Variants in TNKS observed in about 807,000 individuals in gnomAD.
TNKS encodes tankyrase.
In TNKS, 72 loss-of-function variants were observed where a neutral mutation model predicts 135.8. That is an observed-to-expected ratio of 0.53 (90% CI 0.44 to 0.64). The LOEUF is 0.64. Among genes scored for constraint, TNKS ranks in the 30% least tolerant of loss-of-function variants. TNKS has a pLI of 0.00. For synonymous variants in TNKS, 849 were observed against 649.3 expected (o/e 1.31, Z -4.68); for missense variants, 1,769 against 1,674.0 (o/e 1.06, Z -0.99).
intron 25 of TNKS, among the ~76,000 whole-genome samples, chr8:9,767,576 A>G (rs1807533989): frequency 6.6e-6 from 1 of 152,206 alleles, no homozygotes; most frequent in Non-Finnish European, 1.5e-5. Flanking sequence ...TGTGTTTTGA[A>G]CAAAATTATT....
chr8:9,772,825 GTGTGTC>G (rs879851146), intron 26 of TNKS, among the ~76,000 whole-genome samples: 3,279 of 62,624 alleles, frequency 0.052, 79 homozygotes, highest in Admixed American at 0.1. Context: ...GTGTGTGTGT[GTGTGTC>G]TGTGTGTGTG....
intron 3 of TNKS, among the ~76,000 whole-genome samples, chr8:9,617,737 T>C (rs1167868081): frequency 6.6e-6 from 1 of 152,210 alleles, no homozygotes; most frequent in East Asian, 1.9e-4. Flanking sequence ...CTTAGAGTTA[T>C]TAGAGATCAT....
chr8:9,629,845 G>C (rs1357589061), intron 3 of TNKS, among the ~76,000 whole-genome samples: 4 of 152,114 alleles, frequency 2.6e-5, no homozygotes, highest in Non-Finnish European at 4.4e-5. Context: ...ACCATGCCTG[G>C]CTAATTTTTT....
intron 3 of TNKS, 21 bp downstream of exon 3, chr8:9,615,698 C>A: frequency 1.3e-6 from 2 of 1,572,078 alleles, no homozygotes; most frequent in East Asian, 2.3e-5. Context: ...AGAGAGCTAC[C>A]GAATGATTAT....
chr8:9,597,961 A>C (rs543931636), intron 2 of TNKS, among the ~76,000 whole-genome samples: 1 of 152,190 alleles, frequency 6.6e-6, no homozygotes, highest in African/African-American at 2.4e-5. Flanking sequence ...TTATTTTTTT[A>C]ATTATTTGCT....
chr8:9,630,752 T>C (rs1236155424), intron 3 of TNKS, among the ~76,000 whole-genome samples: 1 of 152,174 alleles, frequency 6.6e-6, no homozygotes, highest in Non-Finnish European at 1.5e-5. Flanking sequence ...TGTCATTAGG[T>C]TTCTGTAGTC....
At chr8:9,584,968 G>A (rs1798314204) in intron 2 of TNKS, among the ~76,000 whole-genome samples, 1 of 152,056 alleles carries the variant, frequency 6.6e-6, no homozygotes, top group African/African-American at 2.4e-5. Flanking sequence ...AGCAAACCAA[G>A]TGAAAAATAA....
chr8:9,710,138 G>A lies in TNKS; in HGVS notation c.1671-4G>A, dbSNP rs1804249204. 1 of 1,613,836 alleles carries A rather than the reference G, an allele frequency of 6.2e-7. No individual in the cohort carries two copies. Among genetic ancestry groups the A allele is most frequent in the African/African-American group, 1.3e-5 (1 of 74,908 alleles). On this transcript the variant is annotated splice_polypyrimidine_tract_variant and splice_region_variant and intron_variant, in intron 10 of 26. Coordinates refer to ENST00000310430, the MANE Select transcript of TNKS (RefSeq NM_003747.3). ...ACCTTTTCTTTCTTTCCTCTTTTCTGTAGTTTCATGACTCCCCTGCATGTT... is the reference window on the plus strand; with the variant it reads ...ACCTTTTCTTTCTTTCCTCTTTTCTATAGTTTCATGACTCCCCTGCATGTT...
At chr8:9,662,187 C>A (rs1357007730) in intron 3 of TNKS, among the ~76,000 whole-genome samples, 1 of 152,156 alleles carries the variant, frequency 6.6e-6, no homozygotes, top group East Asian at 1.9e-4. Context: ...GTCAGTGTGG[C>A]GATTCCTCAG....
chr8:9,570,678 C>T (rs1202888709), intron 1 of TNKS, among the ~76,000 whole-genome samples: 6 of 152,194 alleles, frequency 3.9e-5, no homozygotes, highest in Admixed American at 3.9e-4. Flanking sequence ...TCAGATGTCC[C>T]TTGTAGATAA....
intron 3 of TNKS, among the ~76,000 whole-genome samples, chr8:9,629,090 C>G (rs1026574599): frequency 2.0e-5 from 3 of 152,206 alleles, no homozygotes; most frequent in African/African-American, 7.2e-5. Context: ...TATACTAGGT[C>G]TCACCAACGT....
intron 3 of TNKS, among the ~76,000 whole-genome samples, chr8:9,672,655 A>T (rs1460501343): frequency 1.2e-5 from 1 of 83,464 alleles, no homozygotes; most frequent in Non-Finnish European, 2.4e-5. Flanking sequence ...CTGTGATGGT[A>T]AAAAAAAAAA....
chr8:9,733,982 CACTT>C (rs1805568895), intron 15 of TNKS, among the ~76,000 whole-genome samples: 1 of 151,726 alleles, frequency 6.6e-6, no homozygotes, highest in African/African-American at 2.4e-5. Context: ...AATTTATGCT[CACTT>C]AAAGTATATT....
chr8:9,698,236 A>G (rs1803612579), intron 5 of TNKS, among the ~76,000 whole-genome samples: 1 of 152,146 alleles, frequency 6.6e-6, no homozygotes, highest in South Asian at 2.1e-4. Context: ...AACAGTAGAC[A>G]TTGCAGACTA....
intron 3 of TNKS, among the ~76,000 whole-genome samples, chr8:9,633,050 G>C (rs999079705): frequency 6.6e-6 from 1 of 152,074 alleles, no homozygotes; most frequent in Non-Finnish European, 1.5e-5. Context: ...TCTTTGCAGA[G>C]ATAGTTGAAT....
chr8:9,575,253 A>G (rs1056249274), intron 1 of TNKS: 1 of 517,588 alleles, frequency 1.9e-6, no homozygotes, highest in Non-Finnish European at 2.5e-6. Context: ...CGCAGGGCTA[A>G]TTTTTTGTAT....
chr8:9,762,125 C>G (rs544974728), intron 21 of TNKS, among the ~76,000 whole-genome samples: 2 of 152,262 alleles, frequency 1.3e-5, no homozygotes, highest in African/African-American at 4.8e-5. Flanking sequence ...ACAATCTAAC[C>G]TTTCTTAACT....
chr8:9,567,201 A>G (rs1797576680), intron 1 of TNKS, among the ~76,000 whole-genome samples: 1 of 152,240 alleles, frequency 6.6e-6, no homozygotes, highest in African/African-American at 2.4e-5. Context: ...AGTGATTTTG[A>G]CATATTCCCT....
intron 5 of TNKS, among the ~76,000 whole-genome samples, chr8:9,697,067 A>G (rs964711081): frequency 1.3e-5 from 2 of 152,208 alleles, no homozygotes; most frequent in African/African-American, 4.8e-5. Flanking sequence ...AGGCTACAAT[A>G]AAGAAAACAG....
Sources: allele counts gnomAD v4.1 joint callset (sites outside exome capture counted in the v4.1 genomes callset), GRCh38; gene constraint gnomAD v4.1.1; transcripts MANE v1.5; gene names NCBI Gene and HGNC (gene_info 2026-07-23, HGNC 2026-07-21).